Variants in CTIF observed in about 807,000 individuals in gnomAD.
CTIF encodes CBP80/20-dependent translation initiation factor.
Under a neutral mutation model 66.0 loss-of-function variants are expected in CTIF, and 21 were observed. The ratio of observed to expected loss-of-function variants is 0.32; its 90% CI spans 0.23 to 0.46. The LOEUF (loss-of-function observed/expected upper bound fraction) is 0.46. Ranked by LOEUF, CTIF falls within the 20% of genes least tolerant of loss-of-function variation. The probability of loss-of-function intolerance (pLI) is 1.00; values close to 1 mark genes in which losing one functional copy is unlikely to be tolerated. For synonymous variants in CTIF, 345 were observed against 326.4 expected (o/e 1.06, Z -0.62); for missense variants, 739 against 812.7 (o/e 0.91, Z 1.10).
At chr18:48,751,581 AC>A (rs1907817687) in intron 7 of CTIF, among the ~76,000 whole-genome samples, 1 of 152,218 alleles carries the variant, frequency 6.6e-6, no homozygotes, top group Admixed American at 6.5e-5. Flanking sequence ...GTTCAGAGGC[AC>A]ACACAAGACA....
At chr18:48,752,294 T>C (rs1907905479) in intron 7 of CTIF, among the ~76,000 whole-genome samples, 1 of 152,042 alleles carries the variant, frequency 6.6e-6, no homozygotes, top group Admixed American at 6.5e-5. Flanking sequence ...CCTCTCAGCG[T>C]TGTTAGGAGG....
Position 48,711,847 on chromosome 18 carries a change from G to A in CTIF, c.584+152G>A, listed in dbSNP as rs542958668. On this transcript the variant is annotated intron_variant, in intron 7 of 11. Coordinates refer to ENST00000256413, the MANE Select transcript of CTIF (RefSeq NM_014772.3). ...GGCATCGTGGGTTGGTTACTGGCTGGGGATTCCCCAGGGGCAGAGTGGCGG... is the reference window on the plus strand; with the variant it reads ...GGCATCGTGGGTTGGTTACTGGCTGAGGATTCCCCAGGGGCAGAGTGGCGG... 9 of 668,782 alleles carry A rather than the reference G, an allele frequency of 1.3e-5. No individual in the cohort carries two copies. In the South Asian group the frequency reaches 1.6e-4, roughly 12 times the overall value. 41.4% of individuals were successfully genotyped at this position (668,782 alleles called of 1,614,324 possible). A position where few individuals can be genotyped will look rare whatever the true frequency, so the allele number is the denominator to read the frequency against.
At chr18:48,770,307 T>C (rs4284709) in intron 9 of CTIF, among the ~76,000 whole-genome samples, 99,413 of 152,150 alleles carry the variant, frequency 0.65, 32,693 homozygotes, top group East Asian at 0.78. Context: ...CCTGCCTCTT[T>C]GCCACTGCGC....
At chr18:48,616,646 G>T (rs1289695846) in intron 1 of CTIF, among the ~76,000 whole-genome samples, 3 of 152,234 alleles carry the variant, frequency 2.0e-5, no homozygotes, top group Non-Finnish European at 4.4e-5. Context: ...AAGGTGAAGT[G>T]AGTGGAGGCA....
intron 3 of CTIF, chr18:48,661,735 G>C (rs1005507017): frequency 2.6e-5 from 4 of 152,202 alleles, no homozygotes; most frequent in Non-Finnish European, 4.4e-5. Flanking sequence ...GGCAGGAGAG[G>C]GGATGGTAGC....
At chr18:48,755,503 C>T (rs895882031) in intron 7 of CTIF, among the ~76,000 whole-genome samples, 1 of 152,208 alleles carries the variant, frequency 6.6e-6, no homozygotes, top group African/African-American at 2.4e-5. Context: ...AAGGGCCCCA[C>T]TTTTCTCATG....
At chr18:48,690,671 G>C (rs946637263) in intron 6 of CTIF, among the ~76,000 whole-genome samples, 1 of 151,982 alleles carries the variant, frequency 6.6e-6, no homozygotes, top group African/African-American at 2.4e-5. Context: ...AGCAGCCCTG[G>C]CGCACCCTGC....
chr18:48,579,551 C>T (rs921030129), intron 1 of CTIF, among the ~76,000 whole-genome samples: 5 of 152,208 alleles, frequency 3.3e-5, no homozygotes, highest in African/African-American at 4.8e-5. Context: ...CTCTTTCCTA[C>T]TAAAAAGTAA....
chr18:48,797,365 G>C (rs2067944613), intron 9 of CTIF, among the ~76,000 whole-genome samples: 2 of 152,096 alleles, frequency 1.3e-5, no homozygotes, highest in Middle Eastern at 6.8e-3. Flanking sequence ...TGCCTGTAAT[G>C]CCAGCTCCTT....
chr18:48,696,272 C>T (rs2092006572), intron 6 of CTIF, among the ~76,000 whole-genome samples: 2 of 152,192 alleles, frequency 1.3e-5, no homozygotes, highest in South Asian at 4.1e-4. Flanking sequence ...CACCTCCAGC[C>T]CTTTCACATC....
intron 9 of CTIF, among the ~76,000 whole-genome samples, chr18:48,813,496 C>G (rs968814032): frequency 1.3e-5 from 2 of 152,234 alleles, no homozygotes; most frequent in Non-Finnish European, 2.9e-5. Flanking sequence ...TCACCCCTGT[C>G]TGGTCTTTTG....
rs60224766 is a variant in CTIF, at chr18:48,602,850, AATGGATGGATGG to A, written c.-28-16661_-28-16650del. ...GGATGAATGGATGGATGGATGGATG[AATGGATGGATGG>A]ATGGATGGATGGATGGATGGATGGA... On this transcript the variant is annotated intron_variant, in intron 1 of 11. Coordinates refer to ENST00000256413, the MANE Select transcript of CTIF (RefSeq NM_014772.3). Among the ~76,000 whole-genome samples the A allele has an allele frequency of 5.3e-3, 755 of 142,660 alleles. 5 individuals are homozygous for A. Among genetic ancestry groups the A allele is most frequent in the Middle Eastern group, 0.011 (3 of 274 alleles). 93.6% of individuals were successfully genotyped at this position (142,660 alleles called of 152,430 possible).
intron 2 of CTIF, among the ~76,000 whole-genome samples, chr18:48,630,836 T>C (rs12457035): frequency 0.65 from 98,740 of 151,614 alleles, 33,555 homozygotes; most frequent in East Asian, 0.94. Flanking sequence ...CAACCACGCC[T>C]GGCTAATTTT....
At position 48,539,158 on chromosome 18, in the gene CTIF, C is replaced by A. The variant is rs1005609353; in HGVS notation, c.-183C>A. The A allele has an allele frequency of 2.4e-5, 3 of 127,464 alleles. No homozygotes were observed. Among genetic ancestry groups the A allele is most frequent in the African/African-American group, 2.9e-5 (1 of 34,668 alleles). 7.9% of individuals were successfully genotyped at this position (127,464 alleles called of 1,614,324 possible). On this transcript the variant is annotated 5_prime_UTR_variant, in exon 1 of 12. It adds an upstream start codon to the 5' untranslated region. Transcript: ENST00000256413. ...TCCCTCCCTCCCCTCTCTGCTGGGTCTGTGCGCTGGGGCGCCCGATCCCCT... is the reference window on the plus strand; with the variant it reads ...TCCCTCCCTCCCCTCTCTGCTGGGTATGTGCGCTGGGGCGCCCGATCCCCT...
intron 7 of CTIF, among the ~76,000 whole-genome samples, chr18:48,731,310 T>C (rs1180105703): frequency 6.6e-6 from 1 of 152,032 alleles, no homozygotes; most frequent in Non-Finnish European, 1.5e-5. Flanking sequence ...CTGATGGGCA[T>C]CACTGGGAGG....
At chr18:48,836,350 A>G (rs1195971449) in intron 10 of CTIF, among the ~76,000 whole-genome samples, 1 of 152,006 alleles carries the variant, frequency 6.6e-6, no homozygotes, top group African/African-American at 2.4e-5. Flanking sequence ...GGTCTTTTTC[A>G]AGGCCTGATT....
intron 10 of CTIF, among the ~76,000 whole-genome samples, chr18:48,855,980 C>T (rs2069318580): frequency 6.6e-6 from 1 of 152,116 alleles, no homozygotes; most frequent in Admixed American, 6.5e-5. Flanking sequence ...ATGTGGGGTC[C>T]CTGAGAGTCG....
chr18:48,750,380 C>T (rs1319405670), intron 7 of CTIF, among the ~76,000 whole-genome samples: 2 of 152,236 alleles, frequency 1.3e-5, no homozygotes, highest in Non-Finnish European at 2.9e-5. Context: ...AAGCTCAGAA[C>T]CCCATAGAGT....
At chr18:48,589,640 G>A (rs2089846612) in intron 1 of CTIF, among the ~76,000 whole-genome samples, 1 of 152,226 alleles carries the variant, frequency 6.6e-6, no homozygotes, top group Non-Finnish European at 1.5e-5. Flanking sequence ...CGTGAGGTGT[G>A]GGTCACACTG....
Sources: allele counts gnomAD v4.1 joint callset (sites outside exome capture counted in the v4.1 genomes callset), GRCh38; gene constraint gnomAD v4.1.1; transcripts MANE v1.5; gene names NCBI Gene and HGNC (gene_info 2026-07-23, HGNC 2026-07-21).